Variants in TMEM184B observed in about 807,000 individuals in gnomAD.
The protein encoded by TMEM184B is transmembrane protein 184B.
Under a neutral mutation model 41.8 loss-of-function variants are expected in TMEM184B, and 17 were observed. The ratio of observed to expected loss-of-function variants is 0.41; its 90% CI spans 0.28 to 0.61. TMEM184B has a LOEUF of 0.61. Ranked by LOEUF, TMEM184B falls within the 20% of genes least tolerant of loss-of-function variation. The pLI is 0.34. For synonymous variants in TMEM184B, 240 were observed against 229.5 expected (o/e 1.05, Z -0.41); for missense variants, 393 against 557.8 (o/e 0.70, Z 2.98).
intron 2 of TMEM184B, among the ~76,000 whole-genome samples, 178 bp from the exon 3 acceptor site, chr22:38,246,278 T>C (rs2145689526): frequency 6.6e-6 from 1 of 152,254 alleles, no homozygotes; most frequent in Non-Finnish European, 1.5e-5. Context: ...CCAAGGCCAT[T>C]GTGAGACTCA....
intron 3 of TMEM184B, among the ~76,000 whole-genome samples, chr22:38,240,176 C>T (rs1008183857): frequency 5.9e-5 from 9 of 151,782 alleles, no homozygotes; most frequent in African/African-American, 1.7e-4. Context: ...AAGACCAAAG[C>T]GACCAAACAG....
chr22:38,231,990 A>T (rs542883913), intron 3 of TMEM184B: 45 of 164,498 alleles, frequency 2.7e-4, no homozygotes, highest in Non-Finnish European at 5.5e-4. Flanking sequence ...ACATAGCGAG[A>T]CCTCATCTCT....
intron 3 of TMEM184B, among the ~76,000 whole-genome samples, chr22:38,240,543 G>T (rs140927687): frequency 3.3e-5 from 5 of 152,086 alleles, no homozygotes; most frequent in African/African-American, 1.2e-4. Flanking sequence ...TTGGAAGAAA[G>T]TGGAGGGGAA....
chr22:38,234,859 C>A (rs796708329), intron 3 of TMEM184B, among the ~76,000 whole-genome samples: 1 of 152,186 alleles, frequency 6.6e-6, no homozygotes, highest in South Asian at 2.1e-4. Context: ...AGCTGTGTGG[C>A]CTCAGGCAAG....
chr22:38,220,817 C>T lies in TMEM184B; in HGVS notation c.*652G>A. The stretch of plus-strand genomic sequence containing the variant: ...GTGGGGATACCCAGGGGCCCAGAAG[C>T]CCCTGCTTCAACAGAAGCGGTGCCC... On this transcript the variant is annotated 3_prime_UTR_variant, in exon 9 of 9. Transcript: ENST00000361906. The T allele has an allele frequency of 1.0e-6, 1 of 986,102 alleles. No individual in the cohort carries two copies. Among genetic ancestry groups the T allele is most frequent in the Non-Finnish European group, 1.2e-6 (1 of 830,146 alleles). The allele number at this position is 986,102 out of a possible 1,614,324, so 61.1% of individuals were successfully genotyped here.
At chr22:38,218,132 C>T (rs560053222), downstream of TMEM184B, among the ~76,000 whole-genome samples, 72 of 152,336 alleles carry the variant, frequency 4.7e-4, no homozygotes, top group South Asian at 0.013. Flanking sequence ...CCCCATGTTT[C>T]GGAATGCCCA....
At chr22:38,245,794 G>T in intron 3 of TMEM184B, 141 bp downstream of exon 3, 1 of 897,032 alleles carries the variant, frequency 1.1e-6, no homozygotes, top group Non-Finnish European at 1.7e-6. Context: ...GTCAATTTGG[G>T]ACAGAAACCC....
At chr22:38,233,064 C>A (rs1393394382) in intron 3 of TMEM184B, among the ~76,000 whole-genome samples, 2 of 152,232 alleles carry the variant, frequency 1.3e-5, no homozygotes, top group African/African-American at 2.4e-5. Flanking sequence ...ACACGGGGCA[C>A]ACCACAACAG....
At chr22:38,243,699 G>C (rs1301095950) in intron 3 of TMEM184B, among the ~76,000 whole-genome samples, 1 of 152,192 alleles carries the variant, frequency 6.6e-6, no homozygotes, top group Non-Finnish European at 1.5e-5. Context: ...TGGAACGCCA[G>C]CCTGCGAGGA....
chr22:38,263,166 C>G (rs1185938582), intron 1 of TMEM184B, among the ~76,000 whole-genome samples: 2 of 152,132 alleles, frequency 1.3e-5, no homozygotes, highest in Non-Finnish European at 2.9e-5. Context: ...GCCTCCCAAA[C>G]TGCTGGGATT....
intron 1 of TMEM184B, among the ~76,000 whole-genome samples, chr22:38,262,719 C>T (rs988321357): frequency 5.3e-5 from 8 of 152,124 alleles, no homozygotes; most frequent in Non-Finnish European, 8.8e-5. Context: ...AGGCCGGGAC[C>T]GGGGGTCGTA....
intron 3 of TMEM184B, 64 bp from the exon 4 acceptor site, chr22:38,231,398 T>C: frequency 2.3e-6 from 3 of 1,308,422 alleles, no homozygotes; most frequent in Non-Finnish European, 3.3e-6. Context: ...GATGCTGGGA[T>C]TCTAAACAGC....
chr22:38,243,303 G>A (rs1569034403), intron 3 of TMEM184B, among the ~76,000 whole-genome samples: 1 of 152,188 alleles, frequency 6.6e-6, no homozygotes, highest in African/African-American at 2.4e-5. Flanking sequence ...GCCGCCTCTG[G>A]GGCACGGAGT....
chr22:38,252,700 G>C (rs1228065256), intron 1 of TMEM184B, among the ~76,000 whole-genome samples: 3 of 152,158 alleles, frequency 2.0e-5, no homozygotes, highest in African/African-American at 7.2e-5. Context: ...GGCTTCTGCT[G>C]TGAGTCACCC....
At chr22:38,219,258 GGGA>G (rs375419010), downstream of TMEM184B, 30 of 985,574 alleles carry the variant, frequency 3.0e-5, no homozygotes, top group African/African-American at 4.7e-4. Context: ...GCAGGGGGCA[GGGA>G]GGAGGAAGGA....
At chr22:38,267,037 C>T (rs954241513) in intron 1 of TMEM184B, among the ~76,000 whole-genome samples, 5 of 150,896 alleles carry the variant, frequency 3.3e-5, no homozygotes, top group Admixed American at 3.3e-4. Context: ...GAGCCGAAAT[C>T]GCACCACTGC....
chr22:38,266,568 A>G (rs1447024622), intron 1 of TMEM184B, among the ~76,000 whole-genome samples: 2 of 152,254 alleles, frequency 1.3e-5, no homozygotes, highest in African/African-American at 4.8e-5. Context: ...AACAAAGCGC[A>G]AGAGCTGTTT....
In TMEM184B at chr22:38,219,739, C is replaced by T; in HGVS notation, c.*1730G>A. 1.0e-6 allele frequency: 1 copy of T among 985,704 alleles called. No homozygotes were observed. Among genetic ancestry groups the T allele is most frequent in the Non-Finnish European group, 1.2e-6 (1 of 830,122 alleles). 61.1% of individuals were successfully genotyped at this position (985,704 alleles called of 1,614,324 possible). A position where few individuals can be genotyped will look rare whatever the true frequency, so the allele number is the denominator to read the frequency against. On this transcript the variant is annotated 3_prime_UTR_variant, in exon 9 of 9. Transcript: ENST00000361906. ...TTTGGCCTGGAGGGAGAAGGGAAGC[C>T]ACGGTGGAGAGACAGCTTGGTGAAA...
intron 3 of TMEM184B, among the ~76,000 whole-genome samples, chr22:38,245,575 G>T (rs1388928686): frequency 6.9e-6 from 1 of 143,948 alleles, no homozygotes; most frequent in Admixed American, 6.8e-5. Context: ...TGCCTGAGAC[G>T]CCAGCATTGA....
Sources: allele counts gnomAD v4.1 joint callset (sites outside exome capture counted in the v4.1 genomes callset), GRCh38; gene constraint gnomAD v4.1.1; transcripts MANE v1.5; gene names NCBI Gene and HGNC (gene_info 2026-07-23, HGNC 2026-07-21).